ATP11A: variants seen among roughly 807,000 people sequenced by gnomAD.
The protein encoded by ATP11A is ATPase phospholipid transporting 11A.
A neutral mutation model predicts 154.4 loss-of-function variants in ATP11A; 81 were observed. The observed-to-expected ratio is 0.52, with a 90% CI of 0.44 to 0.63. ATP11A has a LOEUF of 0.63. ATP11A is among the 30% of genes least tolerant of loss of function. The pLI, the probability that ATP11A is intolerant of heterozygous loss-of-function variation, is 0.00. For missense variants in ATP11A, 1,316 were observed against 1,474.3 expected, an observed-to-expected ratio of 0.89 and a Z score of 1.76; for synonymous variants, 623 against 585.9, an observed-to-expected ratio of 1.06 and a Z score of -0.91.
intron 4 of ATP11A, among the ~76,000 whole-genome samples, 156 bp from the exon 5 acceptor site, chr13:112,810,463 A>AGT (rs1303273809): frequency 6.6e-6 from 1 of 152,234 alleles, no homozygotes; most frequent in Non-Finnish European, 1.5e-5. Context: ...TGTCAAGGAT[A>AGT]GTGTGTGTAG....
At chr13:112,770,994 G>C (rs575126007) in intron 1 of ATP11A, among the ~76,000 whole-genome samples, 6 of 152,314 alleles carry the variant, frequency 3.9e-5, no homozygotes, top group African/African-American at 1.4e-4. Flanking sequence ...CGGTCGGCTT[G>C]CTTCTGTTCT....
In ATP11A at chr13:112,824,328, C is replaced by T; in HGVS notation, c.791-16C>T. 6.2e-7 allele frequency: 1 copy of T among 1,606,710 alleles called. No homozygotes were observed. Among genetic ancestry groups the T allele is most frequent in the Non-Finnish European group, 8.5e-7 (1 of 1,173,254 alleles). ...ACTTGCGCCCTGGTCATCACCCTTG[C>T]TCTTCCTCTCTGTAGGTGTGGCTAT... is the stretch of plus-strand genomic sequence containing the variant. On this transcript the variant is annotated splice_polypyrimidine_tract_variant and intron_variant, in intron 9 of 29. Coordinates refer to ENST00000375645, the MANE Select transcript of ATP11A (RefSeq NM_015205.3).
At chr13:112,869,010 G>A (rs1434473777) in intron 25 of ATP11A, among the ~76,000 whole-genome samples, 3 of 151,924 alleles carry the variant, frequency 2.0e-5, no homozygotes, top group Non-Finnish European at 4.4e-5. Context: ...CAAGGAGGAC[G>A]TCCATGATTC....
chr13:112,812,461 G>T (rs1287239621), intron 5 of ATP11A, among the ~76,000 whole-genome samples: 1 of 152,202 alleles, frequency 6.6e-6, no homozygotes, highest in Non-Finnish European at 1.5e-5. Context: ...CCCCAGTCCT[G>T]TGCATGTGGA....
rs923979652 is a variant in ATP11A, at chr13:112,856,234, G to T, written c.2418+149G>T. The T allele has an allele frequency of 7.6e-6, 6 of 790,294 alleles. No individual in the cohort carries two copies. The South Asian group carries it at 8.2e-5, about 11-fold the overall frequency. 49.0% of individuals were successfully genotyped at this position (790,294 alleles called of 1,614,324 possible). Reference sequence around the variant, plus strand: ...AGCAACCGTGATAGAGATTTAAAACGCAGATCTTGTTTTGCTTGTCGGGCC... The same window carrying T: ...AGCAACCGTGATAGAGATTTAAAACTCAGATCTTGTTTTGCTTGTCGGGCC... On this transcript the variant is annotated intron_variant, in intron 20 of 29. Coordinates refer to ENST00000375645, the MANE Select transcript of ATP11A (RefSeq NM_015205.3).
chr13:112,838,085 G>A lies in ATP11A; in HGVS notation c.1705+1834G>A, dbSNP rs1005933541. 1.3e-5 allele frequency among the ~76,000 whole-genome samples: 2 copies of A among 152,214 alleles called. No homozygotes were observed. The highest frequency in any genetic ancestry group is 3.9e-4 in the East Asian group (2 of 5,186). On this transcript the variant is annotated intron_variant, in intron 16 of 29. Coordinates refer to ENST00000375645, the MANE Select transcript of ATP11A (RefSeq NM_015205.3). This position sits in a 1 kb window ranked among gnomAD's most constrained non-coding sequence, Gnocchi z 7.3. ...GGTCATAGGATGAGGAACAATCTGT[G>A]TGTGAATGTTGCCAGGACTCCCACG...
rs1336613195 is a variant in ATP11A, at chr13:112,816,288, ACTAACATC to A, written c.570+80_570+87del. On this transcript the variant is annotated intron_variant, in intron 6 of 29. Transcript: ENST00000375645. ...GGACTGTGCCCATGCGGCCACAGAA[ACTAACATC>A]CTGTTTGAAAAGTCACCGTTTTCAT... 4 of 1,577,882 alleles carry A rather than the reference ACTAACATC, an allele frequency of 2.5e-6. No individual in the cohort carries two copies. In the African/African-American group the frequency reaches 5.4e-5, roughly 21 times the overall value.
intron 1 of ATP11A, among the ~76,000 whole-genome samples, chr13:112,775,369 AC>A (rs2077322944): frequency 6.6e-6 from 1 of 152,174 alleles, no homozygotes; most frequent in Non-Finnish European, 1.5e-5. Context: ...CATGGGATGC[AC>A]ACAGGCGGGC....
At chr13:112,761,067 A>C (rs2076950372) in intron 1 of ATP11A, among the ~76,000 whole-genome samples, 1 of 152,210 alleles carries the variant, frequency 6.6e-6, no homozygotes. Flanking sequence ...CCATCGCTCC[A>C]GGGACTGAAC....
At chr13:112,784,667 C>T (rs1445092914) in intron 1 of ATP11A, among the ~76,000 whole-genome samples, 11 of 151,998 alleles carry the variant, frequency 7.2e-5, no homozygotes, top group South Asian at 2.1e-4. Flanking sequence ...GGACTACAGG[C>T]GCCCACCACC....
At chr13:112,858,503 C>A in intron 22 of ATP11A, 1 of 483,170 alleles carries the variant, frequency 2.1e-6, no homozygotes, top group Non-Finnish European at 3.6e-6. Context: ...TCAACCCATG[C>A]CCAAAAATAT....
At chr13:112,865,039 T>A (rs2080275384) in intron 25 of ATP11A, among the ~76,000 whole-genome samples, 1 of 147,410 alleles carries the variant, frequency 6.8e-6, no homozygotes, top group African/African-American at 2.6e-5. Context: ...GCGCAATAAT[T>A]CAGCGTAGCA....
Position 112,838,714 on chromosome 13 carries a change from A to G in ATP11A, c.1705+2463A>G, listed in dbSNP as rs984313531. 6.6e-6 allele frequency among the ~76,000 whole-genome samples: 1 copy of G among 152,202 alleles called. No homozygotes were observed. The highest frequency in any genetic ancestry group is 1.5e-5 in the Non-Finnish European group (1 of 68,030). ...GTGCCATGAGAATATCCCTATCCGC[A>G]CTGGGACGCCTGTGGACCTCCTAGG... On this transcript the variant is annotated intron_variant, in intron 16 of 29. Coordinates refer to ENST00000375645, the MANE Select transcript of ATP11A (RefSeq NM_015205.3). The surrounding 1 kb of genome is among the most constrained non-coding windows in gnomAD (Gnocchi z 7.3).
At chr13:112,851,295 G>T (rs2079758100) in intron 18 of ATP11A, 77 bp downstream of exon 18, 1 of 1,471,174 alleles carries the variant, frequency 6.8e-7, no homozygotes, top group Admixed American at 1.8e-5. Context: ...GTGAGGGCGA[G>T]TGGACGGGAG....
chr13:112,735,667 T>A (rs1443773409), intron 1 of ATP11A, among the ~76,000 whole-genome samples: 1 of 152,174 alleles, frequency 6.6e-6, no homozygotes, highest in Non-Finnish European at 1.5e-5. Context: ...TAAGAAGTGC[T>A]AAGTGGTCAC....
chr13:112,716,798 G>A (rs1159431449), intron 1 of ATP11A, among the ~76,000 whole-genome samples: 1 of 152,102 alleles, frequency 6.6e-6, no homozygotes, highest in Non-Finnish European at 1.5e-5. Flanking sequence ...GGGCCCAGGT[G>A]GGGTGTGGGT....
At chr13:112,710,128 C>T (rs1887574343) in intron 1 of ATP11A, among the ~76,000 whole-genome samples, 1 of 152,252 alleles carries the variant, frequency 6.6e-6, no homozygotes, top group Admixed American at 6.5e-5. Context: ...CCCTCAGCAT[C>T]ACGGGGAGGC....
chr13:112,844,022 G>A (rs1016908221), intron 17 of ATP11A, among the ~76,000 whole-genome samples: 8 of 152,204 alleles, frequency 5.3e-5, no homozygotes, highest in African/African-American at 1.4e-4. Context: ...CAGCACAAGC[G>A]TCCTGCGCTT....
chr13:112,806,690 C>T (rs7985666), intron 4 of ATP11A, among the ~76,000 whole-genome samples: 89,824 of 151,504 alleles, frequency 0.59, 26,800 homozygotes, highest in Admixed American at 0.64. Context: ...TTTTCATAGC[C>T]CCAGTAAATA....
Sources: allele counts gnomAD v4.1 joint callset (sites outside exome capture counted in the v4.1 genomes callset), GRCh38; gene constraint gnomAD v4.1.1; non-coding constraint Gnocchi (gnomAD v3.1); transcripts MANE v1.5; gene names NCBI Gene and HGNC (gene_info 2026-07-23, HGNC 2026-07-21).